CATSPERE: variants seen among roughly 807,000 people sequenced by gnomAD.
The protein encoded by CATSPERE is cation channel sperm-associated auxiliary subunit epsilon.
CATSPERE carries 93 observed loss-of-function variants against 114.1 expected under a neutral mutation model. The observed-to-expected ratio is 0.81, with a 90% CI of 0.69 to 0.97. CATSPERE has a LOEUF of 0.97. Ranked by LOEUF, CATSPERE falls within the 50% of genes least tolerant of loss-of-function variation. The probability of loss-of-function intolerance (pLI) is 0.00; values close to 1 mark genes in which losing one functional copy is unlikely to be tolerated. For synonymous variants in CATSPERE, 341 were observed against 384.1 expected (o/e 0.89, Z 1.31); for missense variants, 1,058 against 1,131.6 (o/e 0.93, Z 0.93).
At chr1:244,605,394 C>T (rs6681730) in intron 17 of CATSPERE, among the ~76,000 whole-genome samples, 151,382 of 152,274 alleles carry the variant, frequency 0.99, 75,256 homozygotes, top group Middle Eastern at 1. Flanking sequence ...TTCCAAATGT[C>T]CAAAAAGTAA....
chr1:244,540,018 A>G (rs1658372377), intron 8 of CATSPERE, among the ~76,000 whole-genome samples: 1 of 151,564 alleles, frequency 6.6e-6, no homozygotes, highest in South Asian at 2.1e-4. Flanking sequence ...CAAAATAATA[A>G]GAGCTATCTA....
At chr1:244,476,503 T>C (rs1402118070) in intron 2 of CATSPERE, among the ~76,000 whole-genome samples, 2 of 152,224 alleles carry the variant, frequency 1.3e-5, no homozygotes, top group Non-Finnish European at 2.9e-5. Flanking sequence ...AAAGTTATGT[T>C]GTATCTTCTC....
At chr1:244,462,499 A>G (rs1299804299) in intron 1 of CATSPERE, among the ~76,000 whole-genome samples, 2 of 152,204 alleles carry the variant, frequency 1.3e-5, no homozygotes, top group African/African-American at 4.8e-5. Flanking sequence ...AGGTCATTTC[A>G]TCCTTTCACT....
chr1:244,458,282 A>G (rs566928668), upstream of CATSPERE, among the ~76,000 whole-genome samples: 1 of 152,304 alleles, frequency 6.6e-6, no homozygotes, highest in Admixed American at 6.5e-5. Context: ...AAATTATGGG[A>G]AATTTCTATA....
intron 2 of CATSPERE, among the ~76,000 whole-genome samples, chr1:244,468,969 G>T (rs572233408): frequency 6.6e-6 from 1 of 152,104 alleles, no homozygotes; most frequent in Admixed American, 6.6e-5. Context: ...GAGATTTTCC[G>T]TGACTCTTCT....
chr1:244,491,008 G>T (rs1032650050), intron 6 of CATSPERE, among the ~76,000 whole-genome samples: 2 of 151,882 alleles, frequency 1.3e-5, no homozygotes, highest in East Asian at 1.9e-4. Flanking sequence ...TATGAAGGGG[G>T]TCCTACTGTC....
At chr1:244,585,005 C>T (rs1295976468) in intron 13 of CATSPERE, among the ~76,000 whole-genome samples, 1 of 152,140 alleles carries the variant, frequency 6.6e-6, no homozygotes, top group African/African-American at 2.4e-5. Flanking sequence ...CTGCTTTTAC[C>T]CTCTTCCTTT....
At chr1:244,500,953 A>G (rs1673945411) in intron 7 of CATSPERE, among the ~76,000 whole-genome samples, 1 of 152,166 alleles carries the variant, frequency 6.6e-6, no homozygotes, top group Non-Finnish European at 1.5e-5. Context: ...CCATTTTCAC[A>G]ACATTGATTC....
intron 1 of CATSPERE, among the ~76,000 whole-genome samples, chr1:244,455,741 G>A (rs550517235): frequency 1.3e-5 from 2 of 152,096 alleles, no homozygotes; most frequent in African/African-American, 2.4e-5. Context: ...CCCTGAGATA[G>A]CTTCTGGTAG....
chr1:244,514,552 G>A (rs1026812850), intron 7 of CATSPERE, among the ~76,000 whole-genome samples: 3 of 152,034 alleles, frequency 2.0e-5, no homozygotes, highest in Non-Finnish European at 4.4e-5. Flanking sequence ...TGTCTGGGCC[G>A]GGCGCGGTGG....
At chr1:244,451,859 G>A, upstream of CATSPERE, 5 of 1,508,982 alleles carry the variant, frequency 3.3e-6, no homozygotes, top group Non-Finnish European at 4.4e-6. The surrounding 1 kb of genome is among the most constrained non-coding windows in gnomAD (Gnocchi z 6.6). Flanking sequence ...GAGGCGGCCG[G>A]CGAGGAGTGA....
intron 7 of CATSPERE, among the ~76,000 whole-genome samples, chr1:244,502,813 C>A (rs1014487603): frequency 4.6e-5 from 7 of 152,240 alleles, no homozygotes; most frequent in Middle Eastern, 6.8e-3. Context: ...TGAGCTCCTC[C>A]AAGAAGCCAT....
chr1:244,451,722 C>G, upstream of CATSPERE: 1 of 1,610,854 alleles, frequency 6.2e-7, no homozygotes, highest in Non-Finnish European at 8.5e-7. The surrounding 1 kb of genome is among the most constrained non-coding windows in gnomAD (Gnocchi z 6.6). Flanking sequence ...CACCGAGCAC[C>G]ACCGTCACCC....
At chr1:244,451,556 G>A (rs1405133768), upstream of CATSPERE, 1 of 1,459,710 alleles carries the variant, frequency 6.9e-7, no homozygotes, top group Non-Finnish European at 9.1e-7. The surrounding 1 kb of genome is among the most constrained non-coding windows in gnomAD (Gnocchi z 6.6). Flanking sequence ...CGGGTTCTGG[G>A]TCCGAGTTCC....
rs527328862 is a variant in CATSPERE, at chr1:244,578,450, C to T, written c.1951-3346C>T. On this transcript the variant is annotated intron_variant, in intron 11 of 21. Transcript: ENST00000366534. ...ACAGGTGTGAGTCACCACACCCGGC[C>T]GTGGTATAACTTTTGACTCCCCAAA... 2.5e-3 allele frequency among the ~76,000 whole-genome samples: 373 copies of T among 152,166 alleles called. 2 individuals carry two copies. The highest frequency in any genetic ancestry group is 3.6e-3 in the Non-Finnish European group (243 of 68,006).
At chr1:244,553,892 T>C (rs957579369) in intron 9 of CATSPERE, among the ~76,000 whole-genome samples, 1 of 152,158 alleles carries the variant, frequency 6.6e-6, no homozygotes, top group African/African-American at 2.4e-5. Flanking sequence ...GATCATGGTT[T>C]TTACCTTCCA....
At chr1:244,550,671 A>G (rs1159735461) in intron 8 of CATSPERE, among the ~76,000 whole-genome samples, 1 of 152,210 alleles carries the variant, frequency 6.6e-6, no homozygotes, top group Non-Finnish European at 1.5e-5. Flanking sequence ...TGGAAATTAC[A>G]CTGAGTTTCT....
chr1:244,593,120 G>A (rs1340976058), intron 15 of CATSPERE, among the ~76,000 whole-genome samples: 1 of 152,198 alleles, frequency 6.6e-6, no homozygotes, highest in East Asian at 1.9e-4. Flanking sequence ...CACACATCCT[G>A]CTCAGTAGTA....
intron 10 of CATSPERE, among the ~76,000 whole-genome samples, chr1:244,570,300 G>T (rs1457058680): frequency 6.6e-6 from 1 of 151,910 alleles, no homozygotes; most frequent in Non-Finnish European, 1.5e-5. Context: ...AATATTGCTT[G>T]TGCCTAACCC....
Sources: allele counts gnomAD v4.1 joint callset (sites outside exome capture counted in the v4.1 genomes callset), GRCh38; gene constraint gnomAD v4.1.1; non-coding constraint Gnocchi (gnomAD v3.1); transcripts MANE v1.5; gene names NCBI Gene and HGNC (gene_info 2026-07-23, HGNC 2026-07-21).